The following CELF2 variants were observed in gnomAD, a reference collection of about 807,000 sequenced individuals.
CELF2 encodes CUGBP Elav-like family member 2.
Under a neutral mutation model 62.6 loss-of-function variants are expected in CELF2, and 8 were observed. The ratio of observed to expected loss-of-function variants is 0.13; its 90% confidence interval spans 0.07 to 0.23. The LOEUF (loss-of-function observed/expected upper bound fraction) is 0.23. Ranked by LOEUF, CELF2 falls within the 10% of genes least tolerant of loss-of-function variation. The pLI, the probability that CELF2 is intolerant of heterozygous loss-of-function variation, is 1.00. For missense variants in CELF2, 333 were observed against 671.0 expected, an observed-to-expected ratio of 0.50 and a Z score of 5.56; for synonymous variants, 258 against 250.0, an observed-to-expected ratio of 1.03 and a Z score of -0.30.
the CELF2 span, among the ~76,000 whole-genome samples, chr10:10,759,673 G>T: frequency 2.0e-5 from 3 of 151,954 alleles, no homozygotes; most frequent in East Asian, 5.8e-4. Flanking sequence ...AGGCTTCATG[G>T]CCCTAACAAC....
intron 1 of CELF2, among the ~76,000 whole-genome samples, chr10:11,051,929 G>A (rs946546060): frequency 2.1e-5 from 3 of 145,542 alleles, no homozygotes; most frequent in Non-Finnish European, 1.5e-5. Context: ...TGGAGACAGG[G>A]TCTCTGTGGC....
At chr10:10,641,220 C>G in the CELF2 span, among the ~76,000 whole-genome samples, 1 of 152,098 alleles carries the variant, frequency 6.6e-6, no homozygotes, top group Admixed American at 6.5e-5. Flanking sequence ...ACAGGCAAAC[C>G]AAGGTTTACA....
intron 2 of CELF2, chr10:11,169,352 A>G (rs1292305684): frequency 6.6e-6 from 1 of 152,230 alleles, no homozygotes; most frequent in Non-Finnish European, 1.5e-5. Context: ...TGAGCGAGGA[A>G]ATGAATAAGT....
chr10:10,983,234 TA>T lies in CELF2; in HGVS notation c.89+63238del, dbSNP rs1483645377. Among the ~76,000 whole-genome samples, 2 of 152,234 alleles carry T rather than the reference TA, an allele frequency of 1.3e-5. No individual in the cohort carries two copies. Among genetic ancestry groups the T allele is most frequent in the African/African-American group, 2.4e-5 (1 of 41,466 alleles). On this transcript the variant is annotated intron_variant, in intron 2 of 13. Coordinates refer to the CELF2 transcript ENST00000636488. The surrounding 1 kb of genome is among the most constrained non-coding windows in gnomAD (Gnocchi z 5.2). ...AGTGATACATCTGAATTATGTATTT[TA>T]AACATTTTTACTTAAATACCACACA...
intron 1 of CELF2, among the ~76,000 whole-genome samples, chr10:10,916,216 C>T (rs111716090): frequency 0.012 from 1,797 of 152,252 alleles, 30 homozygotes; most frequent in African/African-American, 0.041. Context: ...ACCTGAAAAG[C>T]TCCAGTGTTT....
At chr10:10,550,409 C>CA in the CELF2 span, among the ~76,000 whole-genome samples, 17 of 152,246 alleles carry the variant, frequency 1.1e-4, no homozygotes, top group Non-Finnish European at 2.4e-4. Context: ...ACAGAGTCAT[C>CA]AATGGGCTCA....
chr10:10,989,014 A>T (rs971496039), intron 2 of CELF2, among the ~76,000 whole-genome samples: 1 of 152,194 alleles, frequency 6.6e-6, no homozygotes, highest in Non-Finnish European at 1.5e-5. Context: ...AGTGTACTGA[A>T]AAAAATTTTA....
the CELF2 span, among the ~76,000 whole-genome samples, chr10:10,773,233 G>A: frequency 0.14 from 20,754 of 152,034 alleles, 1,786 homozygotes; most frequent in East Asian, 0.31. Context: ...TTTTTCAAGG[G>A]GATTATTGTG....
At chr10:10,882,457 G>T (rs987664382) in intron 1 of CELF2, among the ~76,000 whole-genome samples, 1 of 152,172 alleles carries the variant, frequency 6.6e-6, no homozygotes, top group Non-Finnish European at 1.5e-5. Flanking sequence ...TAAATTACTT[G>T]TCTGAACAGG....
At chr10:11,303,132 C>T (rs886717211) in intron 9 of CELF2, among the ~76,000 whole-genome samples, 7 of 152,178 alleles carry the variant, frequency 4.6e-5, no homozygotes, top group Admixed American at 4.6e-4. Context: ...CTAAAATCTG[C>T]CTCTGAACAG....
At position 10,849,254 on chromosome 10, in the gene CELF2, A is replaced by C. The variant is rs187163764; in HGVS notation, c.53+50437A>C. Among the ~76,000 whole-genome samples, 1,142 of 151,796 alleles carry C rather than the reference A, an allele frequency of 7.5e-3. 13 individuals are homozygous for C. Among genetic ancestry groups the C allele is most frequent in the African/African-American group, 0.026 (1,085 of 41,388 alleles). ...TCTACTAAAAATACAAAAAAAAAAAAAACAAATTAGCTGGGCATGGTAGCG... is the reference window on the plus strand; with the variant it reads ...TCTACTAAAAATACAAAAAAAAAAACAACAAATTAGCTGGGCATGGTAGCG... On this transcript the variant is annotated intron_variant, in intron 1 of 13. Transcript: ENST00000636488.
chr10:10,823,567 C>T lies in CELF2; in HGVS notation c.53+24750C>T, dbSNP rs191903496. ...GTGTCTGTATGTGTATCTGTGTATG[C>T]ATGTTTTCTTATGCACAAAAAAAAA... On this transcript the variant is annotated intron_variant, in intron 1 of 13. Transcript: ENST00000636488. Among the ~76,000 whole-genome samples, 431 of 124,930 alleles carry T rather than the reference C, an allele frequency of 3.4e-3. 3 individuals are homozygous for T. The highest frequency in any genetic ancestry group is 0.013 in the African/African-American group (410 of 31,256). The allele number at this position is 124,930 out of a possible 152,430, so 82.0% of individuals were successfully genotyped here.
the CELF2 span, among the ~76,000 whole-genome samples, chr10:10,479,335 A>AT: frequency 4.6e-5 from 7 of 152,040 alleles, no homozygotes; most frequent in South Asian, 1.5e-3. Context: ...TGCCCGGATA[A>AT]TTTTTGTATT....
chr10:11,283,766 T>G (rs2089876897), intron 8 of CELF2, among the ~76,000 whole-genome samples: 1 of 149,366 alleles, frequency 6.7e-6, no homozygotes, highest in South Asian at 2.1e-4. Flanking sequence ...TTGTCATTAA[T>G]CAGTGCCAGA....
chr10:10,627,319 A>C, the CELF2 span, among the ~76,000 whole-genome samples: 3 of 152,204 alleles, frequency 2.0e-5, no homozygotes, highest in Admixed American at 2.0e-4. Context: ...TAAGGTGGCT[A>C]TGTTTCAATG....
At chr10:10,633,441 G>T in the CELF2 span, among the ~76,000 whole-genome samples, 1 of 151,924 alleles carries the variant, frequency 6.6e-6, no homozygotes, top group African/African-American at 2.4e-5. Flanking sequence ...TATCTTTTTG[G>T]GTGTTTCCAT....
the CELF2 span, among the ~76,000 whole-genome samples, chr10:10,546,060 A>T: frequency 4.6e-5 from 7 of 152,152 alleles, no homozygotes; most frequent in Admixed American, 3.9e-4. Context: ...CGCTGACAAC[A>T]ATCAGGAAAA....
Position 11,318,536 on chromosome 10 carries a change from T to C in CELF2, c.1097-2653T>C, listed in dbSNP as rs1591433439. Reference sequence around the variant, plus strand: ...AAAGCAGATTAGCTCTGAGGTGTAGTCCAGAGACACAGCCAGCCTCTGTGA... The same window carrying C: ...AAAGCAGATTAGCTCTGAGGTGTAGCCCAGAGACACAGCCAGCCTCTGTGA... On this transcript the variant is annotated intron_variant, in intron 10 of 12. Transcript: ENST00000633077. The surrounding 1 kb of genome is among the most constrained non-coding windows in gnomAD (Gnocchi z 5.4). 2.8e-6 allele frequency: 1 copy of C among 362,002 alleles called. No homozygotes were observed. Among genetic ancestry groups the C allele is most frequent in the Non-Finnish European group, 5.5e-6 (1 of 182,310 alleles). 22.4% of individuals were successfully genotyped at this position (362,002 alleles called of 1,614,324 possible).
intron 2 of CELF2, among the ~76,000 whole-genome samples, chr10:11,204,573 G>C (rs1007726586): frequency 2.6e-5 from 4 of 152,220 alleles, no homozygotes; most frequent in African/African-American, 9.7e-5. Flanking sequence ...CCCAGGAAGC[G>C]TAAGAGGTAG....
Sources: allele counts gnomAD v4.1 joint callset (sites outside exome capture counted in the v4.1 genomes callset), GRCh38; gene constraint gnomAD v4.1.1; non-coding constraint Gnocchi (gnomAD v3.1); transcripts MANE v1.5; gene names NCBI Gene and HGNC (gene_info 2026-07-23, HGNC 2026-07-21).